The following CADPS2 variants were observed in gnomAD, a reference collection of about 807,000 sequenced individuals.
CADPS2 encodes the protein calcium-dependent secretion activator 2.
Under a neutral mutation model 172.5 loss-of-function variants are expected in CADPS2, and 93 were observed. The ratio of observed to expected loss-of-function variants is 0.54; its 90% CI spans 0.46 to 0.64. The LOEUF (loss-of-function observed/expected upper bound fraction) is 0.64, where lower values mean the gene tolerates loss of function less well. Among genes scored for constraint, CADPS2 ranks in the 30% least tolerant of loss-of-function variants. The probability of loss-of-function intolerance (pLI) is 0.00; values close to 1 mark genes in which losing one functional copy is unlikely to be tolerated. For synonymous variants in CADPS2, 546 were observed against 555.2 expected (o/e 0.98, Z 0.23); for missense variants, 1,420 against 1,565.9 (o/e 0.91, Z 1.57).
chr7:122,412,493 C>A (rs926447886), intron 19 of CADPS2, among the ~76,000 whole-genome samples: 2 of 152,182 alleles, frequency 1.3e-5, no homozygotes, highest in African/African-American at 2.4e-5. Context: ...CACATATGCA[C>A]AAATACGTGT....
chr7:122,556,205 T>C (rs2065010642), intron 7 of CADPS2, among the ~76,000 whole-genome samples: 1 of 152,110 alleles, frequency 6.6e-6, no homozygotes, highest in African/African-American at 2.4e-5. Context: ...GATTCTTTCT[T>C]AAGTGACAGT....
At chr7:122,362,080 C>G (rs1260436407) in intron 25 of CADPS2, among the ~76,000 whole-genome samples, 2 of 151,764 alleles carry the variant, frequency 1.3e-5, no homozygotes, top group Non-Finnish European at 2.9e-5. Context: ...AAAAGAAAAA[C>G]AAAAACAAAA....
In CADPS2 at chr7:122,319,966, C is replaced by G; in HGVS notation, c.*199G>C. 2.1e-6 allele frequency: 1 copy of G among 465,496 alleles called. No homozygotes were observed. The highest frequency in any genetic ancestry group is 3.5e-6 in the Non-Finnish European group (1 of 283,588). The allele number at this position is 465,496 out of a possible 1,614,324, so 28.8% of individuals were successfully genotyped here. On this transcript the variant is annotated 3_prime_UTR_variant, in exon 30 of 30. Coordinates refer to ENST00000449022, the MANE Select transcript of CADPS2 (RefSeq NM_017954.11). ...TTCTCCAAAAAAACAAACAAACAAA[C>G]AAACAAAAAAAGGAAACAAAAAAAC...
At position 122,705,732 on chromosome 7, in the gene CADPS2, TTATATAA is replaced by T. The variant is rs1205826410; in HGVS notation, c.453+31216_453+31222del. The stretch of plus-strand genomic sequence containing the variant: ...CATATATTATATAATATATCATATA[TTATATAA>T]TATATAATATATATAATATATAATA... On this transcript the variant is annotated intron_variant, in intron 2 of 29. Transcript: ENST00000449022. 1.7e-4 allele frequency among the ~76,000 whole-genome samples: 2 copies of T among 11,432 alleles called. 1 individual carries two copies. Among genetic ancestry groups the T allele is most frequent in the Non-Finnish European group, 4.5e-4 (2 of 4,442 alleles). 7.5% of individuals were successfully genotyped at this position (11,432 alleles called of 152,430 possible).
In CADPS2 at chr7:122,479,746, G is replaced by A. The variant is rs993265251; in HGVS notation, c.1861+1106C>T. 1.4e-4 allele frequency among the ~76,000 whole-genome samples: 21 copies of A among 152,116 alleles called. No individual in the cohort carries two copies. The South Asian group carries it at 2.1e-3, about 15-fold the overall frequency. On this transcript the variant is annotated intron_variant, in intron 12 of 29. Transcript: ENST00000449022. Reference sequence around the variant, plus strand: ...ATTTATTAGAAATAATATGTTCAATGTAAAAGAAAGACAAATGCTTTCCCT... The same window carrying A: ...ATTTATTAGAAATAATATGTTCAATATAAAAGAAAGACAAATGCTTTCCCT...
chr7:122,577,095 C>T (rs2068153920), intron 7 of CADPS2, among the ~76,000 whole-genome samples: 1 of 151,888 alleles, frequency 6.6e-6, no homozygotes, highest in African/African-American at 2.4e-5. Context: ...TGGCATTTCC[C>T]CTGCTTGCAC....
intron 7 of CADPS2, among the ~76,000 whole-genome samples, chr7:122,567,508 C>G (rs745364836): frequency 2.6e-5 from 4 of 152,038 alleles, no homozygotes; most frequent in African/African-American, 4.8e-5. Context: ...TGATTTTGTT[C>G]AAAGCAACAA....
chr7:122,419,937 A>G (rs183234981), intron 17 of CADPS2, among the ~76,000 whole-genome samples: 1 of 152,280 alleles, frequency 6.6e-6, no homozygotes, highest in East Asian at 1.9e-4. Context: ...ACTTATTTTA[A>G]ATCACTGAAG....
Position 122,414,072 on chromosome 7 carries a change from C to G in CADPS2, c.2585G>C (p.Arg862Thr). The G allele has an allele frequency of 6.5e-7, 1 of 1,545,486 alleles. No individual in the cohort carries two copies. ...AGTGGAAATCATTTTACTCACCTCT[C>G]TTCCCTGAGGGTTTCCAAGAATTTG... is the stretch of plus-strand genomic sequence containing the variant. Reference protein sequence around the residue: ...QQNEEHHAEGREAFAWWPDLL... With the variant: ...QQNEEHHAEGTEAFAWWPDLL... Residue 862 changes from arginine (R) to threonine (T), a missense_variant, in exon 19 of 30, where the codon AGA (arginine) becomes ACA (threonine). Arg to Thr is a moderately conservative substitution (Grantham distance 71). Coordinates refer to ENST00000449022, the MANE Select transcript of CADPS2 (RefSeq NM_017954.11).
At chr7:122,593,994 A>G (rs578075464) in intron 6 of CADPS2, among the ~76,000 whole-genome samples, 2 of 152,228 alleles carry the variant, frequency 1.3e-5, no homozygotes, top group Admixed American at 1.3e-4. Flanking sequence ...TAATACTGAA[A>G]TGACACAAAT....
At chr7:122,324,025 A>G (rs2033282072) in intron 29 of CADPS2, among the ~76,000 whole-genome samples, 1 of 151,628 alleles carries the variant, frequency 6.6e-6, no homozygotes, top group South Asian at 2.1e-4. Context: ...AACTAAGCCA[A>G]TTATGAACCT....
rs1233427877 is a variant in CADPS2, at chr7:122,364,740, G to T, written c.3388-3727C>A. 3.7e-5 allele frequency among the ~76,000 whole-genome samples: 5 copies of T among 134,808 alleles called. 1 individual carries two copies. Among genetic ancestry groups the T allele is most frequent in the African/African-American group, 1.4e-4 (5 of 36,182 alleles). 88.4% of individuals were successfully genotyped at this position (134,808 alleles called of 152,430 possible). A position where few individuals can be genotyped will look rare whatever the true frequency, so the allele number is the denominator to read the frequency against. The stretch of plus-strand genomic sequence containing the variant: ...AGACTCCATCTCAAAAAAAAAAAAA[G>T]AGCCCAATAAGTGTCATTTTGTTTT... On this transcript the variant is annotated intron_variant, in intron 25 of 29. Transcript: ENST00000449022.
At chr7:122,474,094 G>A (rs1022632640) in intron 13 of CADPS2, among the ~76,000 whole-genome samples, 1 of 152,062 alleles carries the variant, frequency 6.6e-6, no homozygotes, top group African/African-American at 2.4e-5. Context: ...TTTTCACTGA[G>A]CGTTCTTTAA....
intron 2 of CADPS2, among the ~76,000 whole-genome samples, chr7:122,723,185 C>A (rs1002677261): frequency 6.6e-6 from 1 of 152,092 alleles, no homozygotes; most frequent in South Asian, 2.1e-4. Flanking sequence ...CAAATGGGAT[C>A]TAATTAAACT....
chr7:122,319,852 A>G lies in CADPS2; in HGVS notation c.*313T>C, dbSNP rs1449024610. On this transcript the variant is annotated 3_prime_UTR_variant, in exon 30 of 30. Transcript: ENST00000449022. Reference sequence around the variant, plus strand: ...TTGATGTGATTACAGAAAAATGCTCAAATCTTCTTTAAAAAAAAAAGTTCA... The same window carrying G: ...TTGATGTGATTACAGAAAAATGCTCGAATCTTCTTTAAAAAAAAAAGTTCA... The G allele has an allele frequency of 4.1e-6, 1 of 244,970 alleles. No individual in the cohort carries two copies. The highest frequency in any genetic ancestry group is 2.2e-5 in the African/African-American group (1 of 44,500). The allele number at this position is 244,970 out of a possible 1,614,324, so 15.2% of individuals were successfully genotyped here.
At chr7:122,778,251 G>T (rs2093945131) in intron 1 of CADPS2, among the ~76,000 whole-genome samples, 1 of 152,138 alleles carries the variant, frequency 6.6e-6, no homozygotes, top group South Asian at 2.1e-4. Context: ...AGAGATCTGT[G>T]GAACTTTGAA....
chr7:122,447,410 G>A (rs986473236), intron 15 of CADPS2, among the ~76,000 whole-genome samples: 6 of 151,644 alleles, frequency 4.0e-5, no homozygotes, highest in African/African-American at 7.3e-5. Flanking sequence ...TTTAATCTAC[G>A]TTGAAGCATT....
intron 2 of CADPS2, among the ~76,000 whole-genome samples, chr7:122,707,694 T>C (rs549709269): frequency 8.2e-4 from 124 of 151,976 alleles, no homozygotes; most frequent in African/African-American, 2.8e-3. Flanking sequence ...AAACAGAATA[T>C]TGACTCTAAA....
chr7:122,804,187 G>A (rs146010105), intron 1 of CADPS2, among the ~76,000 whole-genome samples: 140 of 152,108 alleles, frequency 9.2e-4, no homozygotes, highest in Non-Finnish European at 7.8e-4. Flanking sequence ...TCCTTTCCCC[G>A]CATCAGTGCC....
Sources: allele counts gnomAD v4.1 joint callset (sites outside exome capture counted in the v4.1 genomes callset), GRCh38; gene constraint gnomAD v4.1.1; transcripts MANE v1.5; gene names NCBI Gene and HGNC (gene_info 2026-07-23, HGNC 2026-07-21).